MAGI2: variants seen among roughly 807,000 people sequenced by gnomAD.
MAGI2 encodes the protein membrane associated guanylate kinase, WW and PDZ domain containing 2.
MAGI2 carries 35 observed loss-of-function variants against 133.3 expected under a neutral mutation model. That is an observed-to-expected ratio of 0.26 (90% confidence interval 0.20 to 0.35). MAGI2 has a LOEUF of 0.35. MAGI2 is among the 10% of genes least tolerant of loss of function. The pLI, the probability that MAGI2 is intolerant of heterozygous loss-of-function variation, is 1.00. For synonymous variants in MAGI2, 729 were observed against 710.6 expected, an observed-to-expected ratio of 1.03 and a Z score of -0.41; for missense variants, 1,636 against 1,863.4, an observed-to-expected ratio of 0.88 and a Z score of 2.25.
At chr7:78,655,998 G>A (rs2529744) in intron 2 of MAGI2, among the ~76,000 whole-genome samples, 72,183 of 124,322 alleles carry the variant, frequency 0.58, 20,894 homozygotes, top group East Asian at 0.87. Flanking sequence ...AAAAAAAAAA[G>A]AAAAAGAAAA....
chr7:79,424,260 C>T (rs78736130), intron 1 of MAGI2, among the ~76,000 whole-genome samples: 1 of 147,126 alleles, frequency 6.8e-6, no homozygotes, highest in African/African-American at 2.5e-5. Context: ...TTTTTCTTTT[C>T]TTTTTTTTTT....
chr7:78,477,717 T>C (rs1472161857), intron 6 of MAGI2, among the ~76,000 whole-genome samples: 1 of 151,820 alleles, frequency 6.6e-6, no homozygotes, highest in African/African-American at 2.4e-5. Context: ...CCTTGACACA[T>C]GGGGATTACT....
intron 2 of MAGI2, among the ~76,000 whole-genome samples, chr7:78,699,152 C>A (rs1480150334): frequency 1.3e-5 from 2 of 152,150 alleles, no homozygotes; most frequent in Non-Finnish European, 2.9e-5. Context: ...CTCTGTCACC[C>A]AGGCTGGAGT....
chr7:78,125,935 G>A, intron 19 of MAGI2, 98 bp from the exon 20 acceptor site: 1 of 1,208,126 alleles, frequency 8.3e-7, no homozygotes, highest in Non-Finnish European at 1.2e-6. Context: ...CTTAGTTAAT[G>A]TATTCCAAAT....
At chr7:78,086,064 A>G (rs75884535) in intron 20 of MAGI2, among the ~76,000 whole-genome samples, 2,233 of 152,282 alleles carry the variant, frequency 0.015, 58 homozygotes, top group African/African-American at 0.051. Flanking sequence ...ATGACACAGT[A>G]TCCCTACTGT....
intron 1 of MAGI2, among the ~76,000 whole-genome samples, chr7:79,381,781 A>G (rs1843801632): frequency 6.6e-6 from 1 of 151,800 alleles, no homozygotes; most frequent in Admixed American, 6.6e-5. Flanking sequence ...CAATAGAAAC[A>G]TAACTACACA....
chr7:79,453,357 T>G lies in MAGI2; in HGVS notation c.-37A>C, dbSNP rs780862135. 7 of 1,569,360 alleles carry G rather than the reference T, an allele frequency of 4.5e-6. No individual in the cohort carries two copies. Among genetic ancestry groups the G allele is most frequent in the Middle Eastern group, 1.7e-4 (1 of 5,816 alleles). On this transcript the variant is annotated 5_prime_UTR_variant, in exon 1 of 22. Coordinates refer to ENST00000354212, the MANE Select transcript of MAGI2 (RefSeq NM_012301.4). ...GAGTCGCCTCAGTTCCTGGGCTCCT[T>G]GGGGTTAGGGGGGCTGGTGGTGAGA...
At chr7:78,641,716 A>C (rs764764183) in intron 2 of MAGI2, among the ~76,000 whole-genome samples, 1 of 152,184 alleles carries the variant, frequency 6.6e-6, no homozygotes, top group Non-Finnish European at 1.5e-5. Context: ...CTTCTTCAAA[A>C]CAACCAACCA....
At chr7:79,338,093 C>T (rs1840574414) in intron 1 of MAGI2, among the ~76,000 whole-genome samples, 1 of 151,946 alleles carries the variant, frequency 6.6e-6, no homozygotes, top group Admixed American at 6.6e-5. Flanking sequence ...AAAAAAAATA[C>T]TTTTGCACTT....
intron 7 of MAGI2, chr7:78,350,286 G>T (rs1369336906): frequency 6.6e-6 from 1 of 152,174 alleles, no homozygotes; most frequent in Non-Finnish European, 1.5e-5. Context: ...CTTAGAGTAA[G>T]TTCGTATGTG....
intron 21 of MAGI2, among the ~76,000 whole-genome samples, chr7:78,040,706 A>G (rs1288405096): frequency 6.6e-6 from 1 of 152,162 alleles, no homozygotes; most frequent in African/African-American, 2.4e-5. Flanking sequence ...AATCGGGATG[A>G]CGTTACACCT....
intron 1 of MAGI2, among the ~76,000 whole-genome samples, chr7:79,314,903 A>T (rs549659757): frequency 2.6e-5 from 4 of 152,276 alleles, no homozygotes; most frequent in African/African-American, 9.6e-5. Context: ...TGAAACTCAG[A>T]TAAGGAAATG....
At chr7:79,428,194 G>A (rs1016208184) in intron 1 of MAGI2, among the ~76,000 whole-genome samples, 1 of 152,110 alleles carries the variant, frequency 6.6e-6, no homozygotes. Context: ...GTGCAAGAGA[G>A]GACTGGATGA....
chr7:78,496,960 T>C (rs373605074), intron 5 of MAGI2, among the ~76,000 whole-genome samples: 1 of 152,156 alleles, frequency 6.6e-6, no homozygotes, highest in East Asian at 1.9e-4. Context: ...TTTTGGCAAG[T>C]ATTTACCTCT....
intron 6 of MAGI2, among the ~76,000 whole-genome samples, chr7:78,388,020 C>A (rs1397224040): frequency 6.6e-6 from 1 of 151,874 alleles, no homozygotes; most frequent in East Asian, 1.9e-4. Flanking sequence ...TTTGCAAATA[C>A]CCAACGGCTA....
At chr7:79,277,074 T>C (rs1228899768) in intron 1 of MAGI2, among the ~76,000 whole-genome samples, 1 of 152,140 alleles carries the variant, frequency 6.6e-6, no homozygotes, top group Non-Finnish European at 1.5e-5. Flanking sequence ...GTAGGTAAAA[T>C]GCTATGAAAC....
chr7:78,656,928 G>A (rs1812351612), intron 2 of MAGI2, among the ~76,000 whole-genome samples: 1 of 148,796 alleles, frequency 6.7e-6, no homozygotes, highest in Admixed American at 6.8e-5. Flanking sequence ...ATAAATAACT[G>A]TTATTTAAAA....
At chr7:78,114,613 T>C (rs1227271946) in intron 20 of MAGI2, among the ~76,000 whole-genome samples, 1 of 152,112 alleles carries the variant, frequency 6.6e-6, no homozygotes, top group Non-Finnish European at 1.5e-5. Context: ...CTGAGGAAGA[T>C]AAAATGGGAT....
rs1285642410 is a variant in MAGI2 at position 78,622,853 on chromosome 7, T to G, written c.538+4267A>C. Among the ~76,000 whole-genome samples, 4 of 152,034 alleles carry G rather than the reference T, an allele frequency of 2.6e-5. No homozygotes were observed. In the East Asian group the frequency reaches 7.7e-4, roughly 29 times the overall value. On this transcript the variant is annotated intron_variant, in intron 3 of 21. Transcript: ENST00000354212. ...CAATGTGTATTTGTAAGCAATGGTA[T>G]TGATACAATTGTCAAAGTCTTATAT...
Sources: gnomAD v4.1 joint callset for allele counts (sites outside exome capture counted in the v4.1 genomes callset) on GRCh38, gnomAD v4.1.1 for gene constraint, MANE v1.5 for transcripts, NCBI Gene and HGNC (gene_info 2026-07-23, HGNC 2026-07-21) for gene names.